The following KCNU1 variants were observed in gnomAD, a reference collection of about 807,000 sequenced individuals.
KCNU1 encodes the protein potassium calcium-activated channel subfamily U member 1.
A neutral mutation model predicts 126.8 loss-of-function variants in KCNU1; 93 were observed. That is an observed-to-expected ratio of 0.73 (90% CI 0.62 to 0.87). The LOEUF is 0.87. KCNU1 is among the 40% of genes least tolerant of loss of function. The pLI, the probability that KCNU1 is intolerant of heterozygous loss-of-function variation, is 0.00. For missense variants in KCNU1, 1,330 were observed against 1,367.1 expected (o/e 0.97, Z 0.43); for synonymous variants, 523 against 494.2 (o/e 1.06, Z -0.77).
At position 36,836,905 on chromosome 8, in the gene KCNU1, G is replaced by A; in HGVS notation, c.1478G>A (p.Cys493Tyr). The change falls in exon 14 of 27, where the codon TGT (cysteine) becomes TAT (tyrosine). Residue 493 changes from cysteine (C) to tyrosine (Y), a missense_variant. Cys to Tyr is a radical substitution (Grantham distance 194). Around this residue, in one of 3 missense-constraint regions of KCNU1, gnomAD observed 1,054 missense variants for 1,053.9 expected, o/e 1.00. Transcript: ENST00000399881. ...IAQGCLVPGLCTFLTSLFVEQ... is the reference protein window; with the variant it reads ...IAQGCLVPGLYTFLTSLFVEQ... Reference sequence around the variant, plus strand: ...CAAGGCTGTTTGGTGCCAGGCTTGTGTACCTTCCTAACATCTCTATTTGTG... The same window carrying A: ...CAAGGCTGTTTGGTGCCAGGCTTGTATACCTTCCTAACATCTCTATTTGTG... 1 of 1,613,806 alleles carries A rather than the reference G, an allele frequency of 6.2e-7. No homozygotes were observed.
In KCNU1 at chr8:36,845,662, G is replaced by T. The variant is rs767440917; in HGVS notation, c.1786G>T (p.Val596Phe). 6.3e-7 allele frequency: 1 copy of T among 1,599,602 alleles called. No homozygotes were observed. ...CTTTATTGCTGAAACTCCAAAGGACGTCAGAAGGTAATTTTATTATTTTAT... is the reference window on the plus strand; with the variant it reads ...CTTTATTGCTGAAACTCCAAAGGACTTCAGAAGGTAATTTTATTATTTTAT... The part of the protein sequence containing the change: ...GFFIAETPKD[V>F]RRALFYCSVC... The change falls in exon 17 of 27, where the codon GTC becomes TTC. Residue 596 changes from valine (V) to phenylalanine (F), a missense_variant. Transcript: ENST00000399881.
chr8:36,885,636 T>C (rs944298511), intron 19 of KCNU1, among the ~76,000 whole-genome samples: 4 of 151,328 alleles, frequency 2.6e-5, no homozygotes, highest in Non-Finnish European at 5.9e-5. Flanking sequence ...CTACTAAAAA[T>C]ACAAAAATTA....
At chr8:36,853,618 A>C (rs1280042519) in intron 18 of KCNU1, among the ~76,000 whole-genome samples, 1 of 152,176 alleles carries the variant, frequency 6.6e-6, no homozygotes, top group African/African-American at 2.4e-5. Flanking sequence ...TGGAAAGCAT[A>C]CTTTGTATGA....
intron 18 of KCNU1, among the ~76,000 whole-genome samples, chr8:36,851,739 T>C (rs1346980255): frequency 2.0e-5 from 3 of 152,230 alleles, no homozygotes; most frequent in Non-Finnish European, 4.4e-5. Context: ...AAATTGTTTT[T>C]TAGCTTTATT....
At chr8:36,886,165 C>A (rs1018235517) in intron 19 of KCNU1, among the ~76,000 whole-genome samples, 2 of 152,158 alleles carry the variant, frequency 1.3e-5, no homozygotes, top group Non-Finnish European at 2.9e-5. Flanking sequence ...CCAAAGACAA[C>A]AAAGTAGACA....
intron 10 of KCNU1, among the ~76,000 whole-genome samples, chr8:36,826,382 G>A (rs933344159): frequency 6.6e-6 from 1 of 151,746 alleles, no homozygotes; most frequent in Non-Finnish European, 1.5e-5. Context: ...GCTAATTTTT[G>A]TATTGTTAGT....
chr8:36,933,147 G>C, intron 26 of KCNU1, 115 bp downstream of exon 26: 2 of 649,604 alleles, frequency 3.1e-6, no homozygotes, highest in Non-Finnish European at 5.4e-6. Flanking sequence ...GCAAGGAAGG[G>C]TGCATGGGAA....
chr8:36,891,496 A>T (rs1159416018), intron 19 of KCNU1, among the ~76,000 whole-genome samples: 2 of 152,060 alleles, frequency 1.3e-5, no homozygotes, highest in Non-Finnish European at 2.9e-5. Context: ...GGACTGATGC[A>T]TAGAGAGATA....
chr8:36,808,875 C>T, intron 7 of KCNU1, 82 bp downstream of exon 7: 1 of 946,056 alleles, frequency 1.1e-6, no homozygotes, highest in African/African-American at 1.6e-5. Flanking sequence ...ACCTGCTGAG[C>T]CCCTGTCTCC....
chr8:36,860,808 C>T (rs760521686), intron 18 of KCNU1, among the ~76,000 whole-genome samples: 9 of 151,532 alleles, frequency 5.9e-5, no homozygotes, highest in Admixed American at 3.3e-4. Context: ...GGTGCAAAAA[C>T]AGTTAGGGAC....
chr8:36,893,715 A>G (rs899596793), intron 19 of KCNU1, among the ~76,000 whole-genome samples: 1 of 152,058 alleles, frequency 6.6e-6, no homozygotes, highest in Non-Finnish European at 1.5e-5. Flanking sequence ...CATTTTTCTT[A>G]AACAAATACT....
rs115612685 is a variant in KCNU1, at chr8:36,815,007, T to G, written c.904-589T>G. 4.4e-3 allele frequency among the ~76,000 whole-genome samples: 667 copies of G among 152,158 alleles called. 7 individuals carry two copies. The highest frequency in any genetic ancestry group is 0.015 in the African/African-American group (631 of 41,522). On this transcript the variant is annotated intron_variant, in intron 8 of 26. Coordinates refer to ENST00000399881, the MANE Select transcript of KCNU1 (RefSeq NM_001031836.3). ...TCATTTTTCCAAGCCCCAAATAGAATAAAGTCAGAGTGAGACGGGAAGTTA... is the reference window on the plus strand; with the variant it reads ...TCATTTTTCCAAGCCCCAAATAGAAGAAAGTCAGAGTGAGACGGGAAGTTA...
intron 12 of KCNU1, among the ~76,000 whole-genome samples, chr8:36,835,120 G>A (rs1417396394): frequency 6.6e-6 from 1 of 152,048 alleles, no homozygotes; most frequent in Non-Finnish European, 1.5e-5. Flanking sequence ...ATCTATAGTA[G>A]CCATCTGAAT....
At chr8:36,829,280 T>C (rs1804441436) in intron 10 of KCNU1, among the ~76,000 whole-genome samples, 1 of 152,042 alleles carries the variant, frequency 6.6e-6, no homozygotes, top group African/African-American at 2.4e-5. Context: ...GTTATTATAG[T>C]CAAATATTGA....
intron 1 of KCNU1, among the ~76,000 whole-genome samples, chr8:36,785,042 C>T (rs1802664275): frequency 6.6e-6 from 1 of 152,206 alleles, no homozygotes. Context: ...CTGACGTGTA[C>T]ATTGCCTTTT....
chr8:36,859,353 C>T (rs1805646202), intron 18 of KCNU1, among the ~76,000 whole-genome samples: 1 of 152,056 alleles, frequency 6.6e-6, no homozygotes, highest in South Asian at 2.1e-4. Context: ...GGTTTAGAGC[C>T]AGTTAAGAAT....
At chr8:36,865,988 A>C (rs1805897819) in intron 19 of KCNU1, among the ~76,000 whole-genome samples, 1 of 152,060 alleles carries the variant, frequency 6.6e-6, no homozygotes, top group Admixed American at 6.6e-5. Flanking sequence ...CCAAACTCAT[A>C]GGAACAGAGT....
intron 19 of KCNU1, among the ~76,000 whole-genome samples, chr8:36,868,176 C>T (rs766968262): frequency 2.6e-5 from 4 of 151,958 alleles, no homozygotes; most frequent in East Asian, 1.9e-4. Flanking sequence ...ACTTACGTAC[C>T]GTGTTAATGG....
chr8:36,839,057 C>A (rs1804857813), intron 14 of KCNU1, among the ~76,000 whole-genome samples: 1 of 152,154 alleles, frequency 6.6e-6, no homozygotes, highest in Non-Finnish European at 1.5e-5. Flanking sequence ...AGTTATTAAT[C>A]TCATAACTGG....
Sources: gnomAD v4.1 joint callset for allele counts (sites outside exome capture counted in the v4.1 genomes callset) on GRCh38, gnomAD v4.1.1 for gene constraint, gnomAD v4.1.1 regional missense constraint, MANE v1.5 for transcripts, NCBI Gene and HGNC (gene_info 2026-07-23, HGNC 2026-07-21) for gene names.